SKA1: variants seen among roughly 807,000 people sequenced by gnomAD.
SKA1 encodes spindle and kinetochore associated complex subunit 1.
In SKA1, 20 loss-of-function variants were observed where a neutral mutation model predicts 31.8. The ratio of observed to expected loss-of-function variants is 0.63; its 90% CI spans 0.44 to 0.91. The LOEUF is 0.91. Among genes scored for constraint, SKA1 ranks in the 40% least tolerant of loss-of-function variants. The pLI, the probability that SKA1 is intolerant of heterozygous loss-of-function variation, is 0.00. For synonymous variants in SKA1, 88 were observed against 100.5 expected (o/e 0.88, Z 0.74); for missense variants, 253 against 298.2 (o/e 0.85, Z 1.12).
At chr18:50,388,425 T>C (rs2041328453) in intron 5 of SKA1, among the ~76,000 whole-genome samples, 1 of 152,210 alleles carries the variant, frequency 6.6e-6, no homozygotes, top group African/African-American at 2.4e-5. Flanking sequence ...CTGTTGTCTT[T>C]GGGTTTCCTT....
Position 50,391,300 on chromosome 18 carries a change from T to TG in SKA1, c.619+9dup. On this transcript the variant is annotated splice_region_variant and intron_variant, in intron 6 of 6. Coordinates refer to ENST00000285116, the MANE Select transcript of SKA1 (RefSeq NM_145060.4). ...GAAACGAAGGATACCAAAGGTAAAA[T>TG]GGCAGCATATATGTGTGTACATGTG... 1 of 1,583,958 alleles carries TG rather than the reference T, an allele frequency of 6.3e-7. No individual in the cohort carries two copies. Among genetic ancestry groups the TG allele is most frequent in the South Asian group, 1.2e-5 (1 of 84,592 alleles).
At chr18:50,388,659 C>G (rs1346101942) in intron 5 of SKA1, among the ~76,000 whole-genome samples, 2 of 152,166 alleles carry the variant, frequency 1.3e-5, no homozygotes, top group African/African-American at 4.8e-5. Flanking sequence ...AACTACCCTT[C>G]CCCTAGGTCA....
intron 3 of SKA1, among the ~76,000 whole-genome samples, 158 bp from the exon 4 acceptor site, chr18:50,381,971 C>A (rs549035815): frequency 3.3e-5 from 5 of 152,164 alleles, no homozygotes; most frequent in Non-Finnish European, 5.9e-5. Flanking sequence ...ATGATCCACC[C>A]GCCTTAGCCT....
At chr18:50,391,625 C>G (rs995164707) in intron 6 of SKA1, among the ~76,000 whole-genome samples, 1 of 152,086 alleles carries the variant, frequency 6.6e-6, no homozygotes, top group African/African-American at 2.4e-5. Context: ...GAAACTATGC[C>G]CAATGTTTTA....
intron 5 of SKA1, among the ~76,000 whole-genome samples, chr18:50,386,279 G>A (rs1173224723): frequency 2.0e-5 from 3 of 152,076 alleles, no homozygotes; most frequent in African/African-American, 7.2e-5. Context: ...TTTTAGACAA[G>A]GCTGTTTTGC....
chr18:50,388,837 G>T lies in SKA1; in HGVS notation c.450-2287G>T, dbSNP rs186158879. The stretch of plus-strand genomic sequence containing the variant: ...TTCATTTTAAAAACTTGGGGGGAAG[G>T]CAGGGGTGGTTCCTGGAAGTAAAAC... On this transcript the variant is annotated intron_variant, in intron 5 of 6. Coordinates refer to ENST00000285116, the MANE Select transcript of SKA1 (RefSeq NM_145060.4). Among the ~76,000 whole-genome samples the T allele has an allele frequency of 2.0e-5, 3 of 152,116 alleles. No homozygotes were observed. In the South Asian group the frequency reaches 6.2e-4, roughly 32 times the overall value.
chr18:50,383,577 G>A (rs1310715828), intron 4 of SKA1, among the ~76,000 whole-genome samples: 2 of 151,964 alleles, frequency 1.3e-5, no homozygotes, highest in Admixed American at 1.3e-4. Context: ...CCATCACCTC[G>A]GTGAGGACTT....
intron 4 of SKA1, among the ~76,000 whole-genome samples, chr18:50,384,869 AT>A (rs1555717627): frequency 8.1e-5 from 9 of 111,438 alleles, no homozygotes; most frequent in Non-Finnish European, 1.2e-4. Context: ...AAAAAAAAAA[AT>A]TAAAAAAAAA....
chr18:50,385,721 T>C (rs1002682283), intron 5 of SKA1, among the ~76,000 whole-genome samples: 20 of 152,124 alleles, frequency 1.3e-4, no homozygotes, highest in African/African-American at 4.4e-4. Context: ...CGTTTGTGCA[T>C]TGCACCCCGC....
At position 50,392,100 on chromosome 18, in the gene SKA1, T is replaced by C; in HGVS notation, c.621T>C (p.Gly207=). The C allele has an allele frequency of 6.4e-7, 1 of 1,573,884 alleles. No homozygotes were observed. The highest frequency in any genetic ancestry group is 8.6e-7 in the Non-Finnish European group (1 of 1,167,254). ...FIDEETKDTK[G]RYFIVEADIK... The stretch of plus-strand genomic sequence containing the variant: ...TAGCACTAATATCTTTATTTTTAGG[T>C]CGTTATTTTATAGTGGAAGCTGACA... The change falls in exon 7 of 7, where the codon GGT becomes GGC. Residue 207 remains glycine (G), a splice_region_variant and synonymous_variant. Transcript: ENST00000285116.
rs772920953 is a variant in SKA1 at position 50,385,212 on chromosome 18, G to A, written c.312-4G>A. 1 of 1,608,936 alleles carries A rather than the reference G, an allele frequency of 6.2e-7. No homozygotes were observed. The highest frequency in any genetic ancestry group is 1.1e-5 in the South Asian group (1 of 89,818). ...CTGTATGTATGTACATCTGTATTCT[G>A]TAGTGTTAAGGGATCAGATCTTGAT... On this transcript the variant is annotated splice_polypyrimidine_tract_variant and splice_region_variant and intron_variant, in intron 4 of 6. Transcript: ENST00000285116.
At position 50,385,295 on chromosome 18, in the gene SKA1, C is replaced by G; in HGVS notation, c.391C>G (p.Gln131Glu). 1.2e-6 allele frequency: 2 copies of G among 1,613,366 alleles called. No individual in the cohort carries two copies. The highest frequency in any genetic ancestry group is 1.7e-6 in the Non-Finnish European group (2 of 1,179,624). ...ACCCGTAAAGAAGCCTCCCAAAGAG[C>G]AAAGAAGTATTAAGGAAATGCCATT... ...PEPVKKPPKE[Q>E]RSIKEMPFIT... Residue 131 changes from glutamine to glutamate, a missense_variant, in exon 5 of 7, where the codon CAA becomes GAA. Gln to Glu is a conservative substitution (Grantham distance 29). Coordinates refer to ENST00000285116, the MANE Select transcript of SKA1 (RefSeq NM_145060.4).
chr18:50,385,629 C>G (rs2041301138), intron 5 of SKA1, among the ~76,000 whole-genome samples: 1 of 152,016 alleles, frequency 6.6e-6, no homozygotes, highest in Non-Finnish European at 1.5e-5. Context: ...TAGAAGTAGC[C>G]TCAGTTTTGT....
At position 50,385,294 on chromosome 18, in the gene SKA1, G is replaced by A. The variant is rs940672990; in HGVS notation, c.390G>A (p.Glu130=). 2.5e-6 allele frequency: 4 copies of A among 1,613,538 alleles called. No individual in the cohort carries two copies. Among genetic ancestry groups the A allele is most frequent in the Non-Finnish European group, 3.4e-6 (4 of 1,179,700 alleles). ...EPEPVKKPPK[E]QRSIKEMPFI... ...AACCCGTAAAGAAGCCTCCCAAAGA[G>A]CAAAGAAGTATTAAGGAAATGCCAT... is the stretch of plus-strand genomic sequence containing the variant. Residue 130 remains glutamate (E), a synonymous_variant, in exon 5 of 7, where the codon GAG becomes GAA. Transcript: ENST00000285116.
chr18:50,377,556 G>T (rs377505819), intron 2 of SKA1, among the ~76,000 whole-genome samples: 3 of 152,100 alleles, frequency 2.0e-5, no homozygotes, highest in Admixed American at 1.3e-4. Context: ...ATATTTTGAC[G>T]TGCTGAAATT....
chr18:50,391,175 A>G lies in SKA1; in HGVS notation c.501A>G (p.Glu167=), dbSNP rs762009921. ...ATCAAATTAATGATGTTATTAAAGA[A>G]ATCAACAAGGCAGTAATTAGTAAAT... ...TYNQINDVIK[E]INKAVISKYK... is the part of the protein sequence containing the mutation. Residue 167 remains glutamate, a synonymous_variant, in exon 6 of 7, where the codon GAA becomes GAG. Coordinates refer to ENST00000285116, the MANE Select transcript of SKA1 (RefSeq NM_145060.4). 1 of 1,589,788 alleles carries G rather than the reference A, an allele frequency of 6.3e-7. No homozygotes were observed. The highest frequency in any genetic ancestry group is 1.2e-5 in the South Asian group (1 of 86,256).
intron 2 of SKA1, among the ~76,000 whole-genome samples, chr18:50,376,286 G>C (rs1361245298): frequency 1.3e-5 from 2 of 152,150 alleles, no homozygotes; most frequent in Non-Finnish European, 2.9e-5. Flanking sequence ...TTTTGTCGTT[G>C]TGCAAACATC....
rs371161517 is a variant in SKA1 at position 50,384,856 on chromosome 18, T to TAA, written c.312-348_312-347dup. On this transcript the variant is annotated intron_variant, in intron 4 of 6. Coordinates refer to ENST00000285116, the MANE Select transcript of SKA1 (RefSeq NM_145060.4). Reference sequence around the variant, plus strand: ...ATGTACCCTAAAACTTAGAGTATAATAAAAAAAAAAAAATTAAAAAAAAAA... The same window carrying TAA: ...ATGTACCCTAAAACTTAGAGTATAATAAAAAAAAAAAAAAATTAAAAAAAAAA... 3.3e-3 allele frequency among the ~76,000 whole-genome samples: 204 copies of TAA among 61,688 alleles called. 1 individual carries two copies. Among genetic ancestry groups the TAA allele is most frequent in the South Asian group, 5.8e-3 (11 of 1,902 alleles). 40.5% of individuals were successfully genotyped at this position (61,688 alleles called of 152,430 possible).
chr18:50,385,217 G>A lies in SKA1; in HGVS notation c.313G>A (p.Val105Ile), dbSNP rs766216200. The change falls in exon 5 of 7, where the codon GTT (valine) becomes ATT (isoleucine). Residue 105 changes from valine to isoleucine, a missense_variant and splice_region_variant. Transcript: ENST00000285116. ...TGTATGTACATCTGTATTCTGTAGT[G>A]TTAAGGGATCAGATCTTGATCCTGA... ...LPQVTVTQSC[V>I]KGSDLDPEEP... The A allele has an allele frequency of 1.9e-6, 3 of 1,612,004 alleles. No homozygotes were observed. The highest frequency in any genetic ancestry group is 1.7e-6 in the Non-Finnish European group (2 of 1,179,262).
Sources: allele counts gnomAD v4.1 joint callset (sites outside exome capture counted in the v4.1 genomes callset), GRCh38; gene constraint gnomAD v4.1.1; transcripts MANE v1.5; gene names NCBI Gene and HGNC (gene_info 2026-07-23, HGNC 2026-07-21).